The following UBTD2 variants were observed in gnomAD, a reference collection of about 807,000 sequenced individuals.
The protein encoded by UBTD2 is ubiquitin domain containing 2.
A neutral mutation model predicts 19.8 loss-of-function variants in UBTD2; 9 were observed. The observed-to-expected ratio is 0.46, with a 90% CI of 0.27 to 0.79. UBTD2 has a LOEUF of 0.79. UBTD2 is among the 30% of genes least tolerant of loss of function. The pLI is 0.14. For missense variants in UBTD2, 250 were observed against 300.4 expected (o/e 0.83, Z 1.24); for synonymous variants, 98 against 103.9 (o/e 0.94, Z 0.35).
intron 2 of UBTD2, among the ~76,000 whole-genome samples, chr5:172,219,797 G>A (rs375367971): frequency 1.3e-5 from 2 of 152,182 alleles, no homozygotes; most frequent in African/African-American, 2.4e-5. Context: ...AACACAGTGC[G>A]TGACAAGCGA....
chr5:172,262,459 A>AAAC (rs1245852414), intron 1 of UBTD2, among the ~76,000 whole-genome samples: 3 of 151,328 alleles, frequency 2.0e-5, no homozygotes, highest in African/African-American at 7.3e-5. Flanking sequence ...AAAAAAAAAA[A>AAAC]AAAAAAAAAC....
Position 172,209,810 on chromosome 5 carries a change from A to G in UBTD2, c.*2020T>C, listed in dbSNP as rs1167268754. Reference sequence around the variant, plus strand: ...AAACATGCCCAGAGAATTGTTATTCAAAGCATATGTTCCTTTAAAATAAAA... The same window carrying G: ...AAACATGCCCAGAGAATTGTTATTCGAAGCATATGTTCCTTTAAAATAAAA... On this transcript the variant is annotated 3_prime_UTR_variant, in exon 3 of 3. Coordinates refer to ENST00000393792, the MANE Select transcript of UBTD2 (RefSeq NM_152277.3). The G allele has an allele frequency of 6.5e-6, 1 of 152,768 alleles. No homozygotes were observed. Among genetic ancestry groups the G allele is most frequent in the East Asian group, 1.9e-4 (1 of 5,186 alleles). The allele number at this position is 152,768 out of a possible 1,614,324, so 9.5% of individuals were successfully genotyped here.
At chr5:172,268,391 A>C (rs1281222275) in intron 1 of UBTD2, among the ~76,000 whole-genome samples, 1 of 152,168 alleles carries the variant, frequency 6.6e-6, no homozygotes, top group Non-Finnish European at 1.5e-5. Flanking sequence ...TGTAGAATTA[A>C]ATCTACCTGA....
At chr5:172,267,044 A>G (rs1213135496) in intron 1 of UBTD2, among the ~76,000 whole-genome samples, 1 of 150,904 alleles carries the variant, frequency 6.6e-6, no homozygotes, top group African/African-American at 2.4e-5. Flanking sequence ...CTCTTTAAAA[A>G]AAAAAAAAAA....
chr5:172,260,291 A>G (rs1755241319), intron 1 of UBTD2, among the ~76,000 whole-genome samples: 1 of 151,852 alleles, frequency 6.6e-6, no homozygotes, highest in African/African-American at 2.4e-5. Context: ...ACTCTCTCTT[A>G]ATGTTTTATC....
chr5:172,271,060 A>G (rs1271276040), intron 1 of UBTD2, among the ~76,000 whole-genome samples: 1 of 152,028 alleles, frequency 6.6e-6, no homozygotes, highest in East Asian at 1.9e-4. Context: ...GTTTTTTCGT[A>G]TCTCTGTACA....
intron 1 of UBTD2, among the ~76,000 whole-genome samples, chr5:172,249,610 A>C (rs1754950151): frequency 2.0e-5 from 3 of 152,102 alleles, no homozygotes; most frequent in South Asian, 2.1e-4. Flanking sequence ...ATAGCCCCAG[A>C]TACTTGGGAG....
intron 1 of UBTD2, among the ~76,000 whole-genome samples, chr5:172,238,016 T>C (rs895432199): frequency 6.6e-6 from 1 of 152,242 alleles, no homozygotes; most frequent in Non-Finnish European, 1.5e-5. Context: ...ATCTTATCCT[T>C]TGAGTTCAGG....
chr5:172,254,654 T>G (rs1414324748), intron 1 of UBTD2: 1 of 597,838 alleles, frequency 1.7e-6, no homozygotes, highest in Non-Finnish European at 3.0e-6. Flanking sequence ...ACTTCGAGTA[T>G]CCGGGGATTC....
chr5:172,255,523 G>A (rs545455628), intron 1 of UBTD2: 11 of 313,552 alleles, frequency 3.5e-5, no homozygotes, highest in Admixed American at 2.2e-4. Flanking sequence ...GCCCAGATCC[G>A]GGCTGCCTGG....
At chr5:172,268,617 G>A (rs956884576) in intron 1 of UBTD2, among the ~76,000 whole-genome samples, 2 of 152,054 alleles carry the variant, frequency 1.3e-5, no homozygotes, top group Non-Finnish European at 2.9e-5. Context: ...GCATGGTGGC[G>A]CACACCTGTA....
intron 1 of UBTD2, among the ~76,000 whole-genome samples, chr5:172,245,550 A>G (rs2113045054): frequency 6.6e-6 from 1 of 152,192 alleles, no homozygotes; most frequent in East Asian, 1.9e-4. Context: ...CACCTCTACT[A>G]AAAATACAAA....
intron 2 of UBTD2, among the ~76,000 whole-genome samples, chr5:172,220,921 T>C (rs1771637839): frequency 1.3e-5 from 2 of 152,098 alleles, no homozygotes; most frequent in African/African-American, 4.8e-5. Context: ...TATAGCAAGG[T>C]TGCAAGATAC....
chr5:172,254,700 C>A (rs1056472885), intron 1 of UBTD2: 1 of 519,290 alleles, frequency 1.9e-6, no homozygotes, highest in Non-Finnish European at 3.4e-6. Context: ...TGCAAGATGA[C>A]CAAAGGGTGA....
chr5:172,239,286 A>C (rs1007822393), intron 1 of UBTD2, among the ~76,000 whole-genome samples: 2 of 152,184 alleles, frequency 1.3e-5, no homozygotes, highest in African/African-American at 4.8e-5. Flanking sequence ...ACACATGCCC[A>C]AATTCAAAGT....
intron 1 of UBTD2, among the ~76,000 whole-genome samples, chr5:172,276,693 A>G (rs7700481): frequency 0.32 from 48,696 of 151,270 alleles, 7,941 homozygotes; most frequent in South Asian, 0.42. Context: ...ATTGGGGTGC[A>G]GAGACAAAGA....
At chr5:172,282,392 T>C (rs191849723) in intron 1 of UBTD2, among the ~76,000 whole-genome samples, 1 of 152,332 alleles carries the variant, frequency 6.6e-6, no homozygotes, top group Non-Finnish European at 1.5e-5. Context: ...GATTTAGTCA[T>C]ACAGGATACC....
intron 1 of UBTD2, among the ~76,000 whole-genome samples, chr5:172,259,852 G>C (rs989269564): frequency 6.6e-6 from 1 of 151,964 alleles, no homozygotes. Context: ...TCAGGAGTTC[G>C]ATACCAGCCT....
At chr5:172,255,876 G>A (rs1755136826) in intron 1 of UBTD2, among the ~76,000 whole-genome samples, 1 of 152,172 alleles carries the variant, frequency 6.6e-6, no homozygotes. Context: ...ATCACCTGAG[G>A]TCAGGAGTTC....
Sources: gnomAD v4.1 joint callset for allele counts (sites outside exome capture counted in the v4.1 genomes callset) on GRCh38, gnomAD v4.1.1 for gene constraint, MANE v1.5 for transcripts, NCBI Gene and HGNC (gene_info 2026-07-23, HGNC 2026-07-21) for gene names.